Variants in IQUB observed in about 807,000 individuals in gnomAD.
IQUB encodes the protein IQ motif and ubiquitin-like domain-containing protein.
A neutral mutation model predicts 86.4 loss-of-function variants in IQUB; 86 were observed. The observed-to-expected ratio is 1.00, with a 90% CI of 0.84 to 1.19. The LOEUF (loss-of-function observed/expected upper bound fraction) is 1.19, where lower values mean the gene tolerates loss of function less well. Among genes scored for constraint, IQUB ranks in the 50% most tolerant of loss-of-function variants. IQUB has a pLI of 0.00. For synonymous variants in IQUB, 289 were observed against 304.5 expected (o/e 0.95, Z 0.53); for missense variants, 946 against 916.9 (o/e 1.03, Z -0.41).
intron 1 of IQUB, chr7:123,533,048 GC>G (rs1190889619): frequency 6.6e-6 from 1 of 152,220 alleles, no homozygotes; most frequent in African/African-American, 2.4e-5. Context: ...AGACAGCGCT[GC>G]CAGACCTCTG....
At chr7:123,511,876 G>C in intron 2 of IQUB, 68 bp downstream of exon 2, 2 of 1,229,810 alleles carry the variant, frequency 1.6e-6, no homozygotes, top group Non-Finnish European at 2.3e-6. Flanking sequence ...GCAAAAATAA[G>C]CCAACAAGAA....
In IQUB at chr7:123,479,946, C is replaced by A. The variant is rs201595627; in HGVS notation, c.1259G>T (p.Arg420Leu). The A allele has an allele frequency of 2.5e-6, 4 of 1,609,104 alleles. No individual in the cohort carries two copies. The highest frequency in any genetic ancestry group is 2.2e-5 in the East Asian group (1 of 44,814). Residue 420 changes from arginine (R) to leucine (L), a missense_variant, in exon 8 of 13, where the codon CGT becomes CTT. Arg to Leu is a moderately radical substitution (Grantham distance 102). Coordinates refer to ENST00000324698, the MANE Select transcript of IQUB (RefSeq NM_178827.5). ...LEFWRQEELT[R>L]INQSFTGAER... ...AGCTCCAGTAAAAGATTGGTTAATA[C>A]GTGTAAGTTCTTCTTGCCGCCAGAC... is the stretch of plus-strand genomic sequence containing the variant.
At chr7:123,514,321 C>T (rs1487942255) in intron 1 of IQUB, among the ~76,000 whole-genome samples, 2 of 151,922 alleles carry the variant, frequency 1.3e-5, no homozygotes, top group African/African-American at 4.8e-5. Context: ...AGAAAGAAAA[C>T]AGAAGCATTT....
chr7:123,493,731 ATGTGTGTGTGTGTGTGTG>A (rs71161484), intron 7 of IQUB, among the ~76,000 whole-genome samples: 4 of 112,662 alleles, frequency 3.6e-5, no homozygotes, highest in African/African-American at 9.1e-5. Context: ...ATGTGTGTGT[ATGTGTGTGTGTGTGTGTG>A]TGTGTGTGTG....
At position 123,461,492 on chromosome 7, in the gene IQUB, C is replaced by T; in HGVS notation, c.1872G>A (p.Arg624=). Residue 624 remains arginine, a synonymous_variant, in exon 11 of 13, where the codon CGG becomes CGA. Coordinates refer to ENST00000324698, the MANE Select transcript of IQUB (RefSeq NM_178827.5). The part of the protein sequence containing the change: ...SVSSTSRRIY[R]CRNCINLQNE... ...TCTGAAGGTTAATGCAGTTACGACA[C>T]CGGTATATGCGGCGTGAGGTGGATG... 1.9e-6 allele frequency: 3 copies of T among 1,612,346 alleles called. No individual in the cohort carries two copies. Among genetic ancestry groups the T allele is most frequent in the Non-Finnish European group, 2.5e-6 (3 of 1,178,978 alleles).
At chr7:123,524,208 A>T (rs1372690344) in intron 1 of IQUB, among the ~76,000 whole-genome samples, 1,672 of 147,910 alleles carry the variant, frequency 0.011, 14 homozygotes, top group Non-Finnish European at 0.019. Flanking sequence ...GTTCCATATG[A>T]ACTTTAAAGT....
chr7:123,519,718 GT>G lies in IQUB; in HGVS notation c.-4-7375del, dbSNP rs1180129271. On this transcript the variant is annotated intron_variant, in intron 1 of 12. Coordinates refer to ENST00000324698, the MANE Select transcript of IQUB (RefSeq NM_178827.5). ...AAATACATTTACATAGAAGGAGTAA[GT>G]TCTATGTTTGATAGCACCGTACGGT... Among the ~76,000 whole-genome samples the G allele has an allele frequency of 3.3e-5, 5 of 152,216 alleles. No individual in the cohort carries two copies. In the East Asian group the frequency reaches 5.8e-4, roughly 18 times the overall value.
rs1417913728 is a variant in IQUB, at chr7:123,534,533, A to T, written c.-46T>A. Reference sequence around the variant, plus strand: ...ACTATTCTCGTCGAAGTGCTTTCCCAGGCTCCTAAGACGCAGCTTCCATAC... The same window carrying T: ...ACTATTCTCGTCGAAGTGCTTTCCCTGGCTCCTAAGACGCAGCTTCCATAC... On this transcript the variant is annotated 5_prime_UTR_variant, in exon 1 of 13. Transcript: ENST00000324698. 6.5e-6 allele frequency: 1 copy of T among 153,502 alleles called. No homozygotes were observed. The highest frequency in any genetic ancestry group is 1.5e-5 in the Non-Finnish European group (1 of 68,662). The allele number at this position is 153,502 out of a possible 1,614,324, so 9.5% of individuals were successfully genotyped here. A position where few individuals can be genotyped will look rare whatever the true frequency, so the allele number is the denominator to read the frequency against.
At chr7:123,459,108 T>TGC (rs1254309682) in intron 11 of IQUB, among the ~76,000 whole-genome samples, 16 of 151,952 alleles carry the variant, frequency 1.1e-4, no homozygotes, top group African/African-American at 3.9e-4. Flanking sequence ...GACACTCATA[T>TGC]TTGTCTGCTA....
intron 1 of IQUB, chr7:123,532,846 T>A (rs1025533926): frequency 6.6e-6 from 1 of 152,088 alleles, no homozygotes; most frequent in African/African-American, 2.4e-5. Flanking sequence ...GGGCCGGGGG[T>A]CGGAAGCCGT....
At chr7:123,457,609 T>C in intron 11 of IQUB, 43 bp from the exon 12 acceptor site, 1 of 1,409,742 alleles carries the variant, frequency 7.1e-7, no homozygotes, top group Non-Finnish European at 9.8e-7. Flanking sequence ...AGTTTAAATT[T>C]GTTTAAGATT....
At chr7:123,458,677 C>T (rs770515229) in intron 11 of IQUB, among the ~76,000 whole-genome samples, 9 of 151,842 alleles carry the variant, frequency 5.9e-5, no homozygotes, top group Non-Finnish European at 1.3e-4. Context: ...GAAATTGTAT[C>T]ATACAGAATA....
chr7:123,530,874 AC>A (rs1299656629), intron 1 of IQUB, among the ~76,000 whole-genome samples: 1 of 151,764 alleles, frequency 6.6e-6, no homozygotes, highest in Admixed American at 6.6e-5. Context: ...ACGGGGTTTC[AC>A]CATGTTGGCC....
intron 3 of IQUB, among the ~76,000 whole-genome samples, chr7:123,509,217 C>CTA (rs1796313943): frequency 6.6e-6 from 1 of 152,106 alleles, no homozygotes; most frequent in South Asian, 2.1e-4. Flanking sequence ...GTCTGATCAA[C>CTA]TGTAATAGTT....
chr7:123,452,204 G>GTTGT lies in IQUB; in HGVS notation c.*535_*538dup, dbSNP rs367741774. Among the ~76,000 whole-genome samples the GTTGT allele has an allele frequency of 1.4e-4, 21 of 152,268 alleles. No individual in the cohort carries two copies. The highest frequency in any genetic ancestry group is 5.1e-4 in the African/African-American group (21 of 41,548). On this transcript the variant is annotated 3_prime_UTR_variant, in exon 13 of 13. Coordinates refer to ENST00000324698, the MANE Select transcript of IQUB (RefSeq NM_178827.5). ...TGTTTATTTATAAATAGTTTCAAGT[G>GTTGT]TTGTTTTATTGGGATTATGAGAAGG...
intron 1 of IQUB, among the ~76,000 whole-genome samples, chr7:123,526,415 G>A (rs979940536): frequency 2.6e-5 from 4 of 152,190 alleles, no homozygotes; most frequent in Admixed American, 6.6e-5. Flanking sequence ...ATTTAGGTTA[G>A]CTCTTCTTGT....
chr7:123,452,598 C>A lies in IQUB; in HGVS notation c.*145G>T, dbSNP rs2116915501. 1 of 446,968 alleles carries A rather than the reference C, an allele frequency of 2.2e-6. No individual in the cohort carries two copies. The highest frequency in any genetic ancestry group is 3.8e-6 in the Non-Finnish European group (1 of 261,040). 27.7% of individuals were successfully genotyped at this position (446,968 alleles called of 1,614,324 possible). The stretch of plus-strand genomic sequence containing the variant: ...ATACTTACTTATATAGAAATGTTTT[C>A]TCTTTATATAACTCAAAATACTATG... On this transcript the variant is annotated 3_prime_UTR_variant, in exon 13 of 13. Transcript: ENST00000324698.
chr7:123,495,769 T>G (rs2117163925), intron 7 of IQUB, among the ~76,000 whole-genome samples: 1 of 152,252 alleles, frequency 6.6e-6, no homozygotes, highest in East Asian at 1.9e-4. Context: ...AACCCTGGAT[T>G]TCTTCCTTTC....
chr7:123,472,216 CA>C (rs963444658), intron 8 of IQUB, among the ~76,000 whole-genome samples: 13 of 144,520 alleles, frequency 9.0e-5, no homozygotes, highest in African/African-American at 2.6e-4. Flanking sequence ...CCAGCCTGGG[CA>C]ACAGTGCAAG....
Sources: allele counts gnomAD v4.1 joint callset (sites outside exome capture counted in the v4.1 genomes callset), GRCh38; gene constraint gnomAD v4.1.1; transcripts MANE v1.5; gene names NCBI Gene and HGNC (gene_info 2026-07-23, HGNC 2026-07-21).